PRSS3: variants seen among roughly 807,000 people sequenced by gnomAD.
PRSS3 encodes serine protease 3.
PRSS3 carries 14 observed loss-of-function variants against 20.8 expected under a neutral mutation model. The ratio of observed to expected loss-of-function variants is 0.67; its 90% CI spans 0.44 to 1.05. The LOEUF is 1.05. PRSS3 is among the 50% of genes least tolerant of loss of function. The probability of loss-of-function intolerance (pLI) is 0.00; values close to 1 mark genes in which losing one functional copy is unlikely to be tolerated. For synonymous variants in PRSS3, 91 were observed against 117.6 expected (o/e 0.77, Z 1.46); for missense variants, 237 against 306.4 (o/e 0.77, Z 1.69).
intron 1 of PRSS3, among the ~76,000 whole-genome samples, chr9:33,763,425 C>A (rs1231285271): frequency 4.6e-5 from 7 of 152,194 alleles, no homozygotes; most frequent in Non-Finnish European, 8.8e-5. Flanking sequence ...GGAGGCCGGG[C>A]GTGGTGGCTC....
rs577320576 is a variant in PRSS3 at position 33,761,537 on chromosome 9, C to A, written c.-53+10810C>A. On this transcript the variant is annotated intron_variant, in intron 1 of 5. Coordinates refer to the PRSS3 transcript ENST00000342836. ...GCCTGACCAACATGGAGAAACCCTG[C>A]CTCTACTAAAATTACAAAATTAGCC... Among the ~76,000 whole-genome samples, 3 of 152,050 alleles carry A rather than the reference C, an allele frequency of 2.0e-5. No homozygotes were observed. In the East Asian group the frequency reaches 5.8e-4, roughly 29 times the overall value.
At chr9:33,793,028 C>T (rs1159285703), upstream of PRSS3, among the ~76,000 whole-genome samples, 5 of 152,250 alleles carry the variant, frequency 3.3e-5, no homozygotes, top group African/African-American at 7.2e-5. Context: ...ACAGTCTCCA[C>T]CTATAGCTAT....
At chr9:33,796,461 G>T (rs1824944749) in intron 1 of PRSS3, among the ~76,000 whole-genome samples, 182 bp from the exon 2 acceptor site, 1 of 152,260 alleles carries the variant, frequency 6.6e-6, no homozygotes, top group Admixed American at 6.5e-5. Flanking sequence ...TACGTGCCCT[G>T]CAGACACAGA....
intron 1 of PRSS3, among the ~76,000 whole-genome samples, chr9:33,775,583 T>C (rs1455499999): frequency 6.6e-6 from 1 of 151,868 alleles, no homozygotes; most frequent in Non-Finnish European, 1.5e-5. Context: ...TATGCATATA[T>C]AGAGAAGACC....
At chr9:33,751,855 C>T (rs537193881) in intron 1 of PRSS3, among the ~76,000 whole-genome samples, 2 of 152,242 alleles carry the variant, frequency 1.3e-5, no homozygotes, top group Admixed American at 1.3e-4. Flanking sequence ...GGCCCAGTGG[C>T]GTCAGACTTA....
intron 2 of PRSS3, 144 bp downstream of exon 2, chr9:33,796,946 A>C: frequency 7.5e-7 from 1 of 1,337,738 alleles, no homozygotes; most frequent in Middle Eastern, 1.9e-4. Context: ...CTGACTCTCC[A>C]GAGCAAGGCC....
chr9:33,752,929 T>C (rs1822760855), intron 1 of PRSS3, among the ~76,000 whole-genome samples: 3 of 152,236 alleles, frequency 2.0e-5, no homozygotes, highest in Non-Finnish European at 2.9e-5. Context: ...TTGCTGGTTG[T>C]TGAAATCGTA....
intron 1 of PRSS3, among the ~76,000 whole-genome samples, chr9:33,779,877 A>G (rs1307994855): frequency 6.7e-6 from 1 of 149,466 alleles, no homozygotes; most frequent in Non-Finnish European, 1.5e-5. Context: ...TAAAAAAAAA[A>G]AAAAAAAAAA....
At chr9:33,759,396 A>T (rs545228090) in intron 1 of PRSS3, among the ~76,000 whole-genome samples, 10 of 152,320 alleles carry the variant, frequency 6.6e-5, no homozygotes, top group African/African-American at 2.4e-4. Context: ...ATGAGAGCCC[A>T]AATGAGATCA....
chr9:33,783,887 C>T (rs1207447535), intron 1 of PRSS3, among the ~76,000 whole-genome samples: 3 of 122,058 alleles, frequency 2.5e-5, no homozygotes, highest in African/African-American at 9.5e-5. Flanking sequence ...TAGACTTAAT[C>T]TCAAAAAAAA....
At chr9:33,796,596 C>T (rs1824954301) in intron 1 of PRSS3, 47 bp from the exon 2 acceptor site, 2 of 1,610,060 alleles carry the variant, frequency 1.2e-6, no homozygotes, top group African/African-American at 2.7e-5. Flanking sequence ...GAGCACCACC[C>T]CTAACATGCT....
At chr9:33,775,700 GTTTTT>G (rs34447292) in intron 1 of PRSS3, among the ~76,000 whole-genome samples, 1 of 128,678 alleles carries the variant, frequency 7.8e-6, no homozygotes, top group Non-Finnish European at 1.6e-5. Context: ...TGGGCTTGAA[GTTTTT>G]TTTTTTTTTT....
At chr9:33,772,385 G>T (rs1823749129) in intron 1 of PRSS3, among the ~76,000 whole-genome samples, 1 of 152,104 alleles carries the variant, frequency 6.6e-6, no homozygotes, top group Non-Finnish European at 1.5e-5. Flanking sequence ...TGCTTTGGAG[G>T]ATGTTCAGCA....
chr9:33,775,413 G>A (rs1282762039), intron 1 of PRSS3, among the ~76,000 whole-genome samples: 3 of 152,198 alleles, frequency 2.0e-5, no homozygotes, highest in Admixed American at 1.3e-4. Flanking sequence ...ACTTGGAAAT[G>A]AGCAGGACAA....
At chr9:33,766,497 G>C (rs1001631613) in intron 1 of PRSS3, among the ~76,000 whole-genome samples, 1 of 151,882 alleles carries the variant, frequency 6.6e-6, no homozygotes, top group African/African-American at 2.4e-5. Context: ...GGCGTGAACC[G>C]GGGAGGTGGA....
chr9:33,756,787 T>C lies in PRSS3; in HGVS notation c.-53+6060T>C, dbSNP rs541620036. On this transcript the variant is annotated intron_variant, in intron 1 of 5. Transcript: ENST00000342836. The stretch of plus-strand genomic sequence containing the variant: ...TATTTCTCTGAGAATATTAACTCAG[T>C]ACTTTTTCTACATTTTAAAAGTTTT... Among the ~76,000 whole-genome samples, 3 of 152,360 alleles carry C rather than the reference T, an allele frequency of 2.0e-5. No homozygotes were observed. The East Asian group carries it at 5.8e-4, about 29-fold the overall frequency.
intron 1 of PRSS3, among the ~76,000 whole-genome samples, chr9:33,753,039 T>G (rs1822766568): frequency 6.6e-6 from 1 of 152,186 alleles, no homozygotes; most frequent in African/African-American, 2.4e-5. Context: ...ACAGAGATAT[T>G]GTGTATGTGG....
chr9:33,760,066 G>A (rs1391584859), intron 1 of PRSS3, among the ~76,000 whole-genome samples: 3 of 152,168 alleles, frequency 2.0e-5, no homozygotes, highest in African/African-American at 7.2e-5. Context: ...CATGACTTTG[G>A]AGTGATCTTT....
chr9:33,773,224 G>C (rs1823782016), intron 1 of PRSS3, among the ~76,000 whole-genome samples: 1 of 151,962 alleles, frequency 6.6e-6, no homozygotes, highest in Non-Finnish European at 1.5e-5. Context: ...GAGAGAGAGA[G>C]AGAGAGAAGG....
Sources: allele counts gnomAD v4.1 joint callset (sites outside exome capture counted in the v4.1 genomes callset), GRCh38; gene constraint gnomAD v4.1.1; transcripts MANE v1.5; gene names NCBI Gene and HGNC (gene_info 2026-07-23, HGNC 2026-07-21).